CARM1: variants seen among roughly 807,000 people sequenced by gnomAD.
CARM1 encodes the protein coactivator associated arginine methyltransferase 1.
CARM1 carries 14 observed loss-of-function variants against 72.7 expected under a neutral mutation model. The ratio of observed to expected loss-of-function variants is 0.19; its 90% confidence interval spans 0.13 to 0.30. CARM1 has a LOEUF of 0.30. Among genes scored for constraint, CARM1 ranks in the 10% least tolerant of loss-of-function variants. The pLI is 1.00. For missense variants in CARM1, 432 were observed against 833.7 expected (o/e 0.52, Z 5.93); for synonymous variants, 333 against 345.5 (o/e 0.96, Z 0.40).
At position 10,916,803 on chromosome 19, in the gene CARM1, T is replaced by G. The variant is rs1257302345; in HGVS notation, c.1020+26T>G. ...GTGAGTAGGGCCTCCAGGGTACTGCTGCAGTGATCACTTGCCATTGCTGTG... is the reference window on the plus strand; with the variant it reads ...GTGAGTAGGGCCTCCAGGGTACTGCGGCAGTGATCACTTGCCATTGCTGTG... On this transcript the variant is annotated intron_variant, in intron 8 of 15. Coordinates refer to ENST00000327064, the MANE Select transcript of CARM1 (RefSeq NM_199141.2). This position sits in a 1 kb window ranked among gnomAD's most constrained non-coding sequence, Gnocchi z 4.4. The G allele has an allele frequency of 4.0e-6, 6 of 1,498,362 alleles. No individual in the cohort carries two copies. The African/African-American group carries it at 8.3e-5, about 21-fold the overall frequency. The allele number at this position is 1,498,362 out of a possible 1,614,324, so 92.8% of individuals were successfully genotyped here.
At chr19:10,905,194 C>A in intron 2 of CARM1, 118 bp downstream of exon 2, 2 of 1,229,120 alleles carry the variant, frequency 1.6e-6, no homozygotes, top group Non-Finnish European at 2.3e-6. Flanking sequence ...GGCTCCACTG[C>A]CCTCAAAACC....
chr19:10,905,288 G>A (rs998142987), intron 2 of CARM1, among the ~76,000 whole-genome samples: 1 of 152,218 alleles, frequency 6.6e-6, no homozygotes, highest in East Asian at 1.9e-4. Context: ...CGGCTCCTCC[G>A]GGTCTTTTGG....
In CARM1 at chr19:10,916,550, A is replaced by G; in HGVS notation, c.938+53A>G. 4 of 1,474,764 alleles carry G rather than the reference A, an allele frequency of 2.7e-6. No homozygotes were observed. The highest frequency in any genetic ancestry group is 3.8e-6 in the Non-Finnish European group (4 of 1,055,532). 91.4% of individuals were successfully genotyped at this position (1,474,764 alleles called of 1,614,324 possible). On this transcript the variant is annotated intron_variant, in intron 7 of 15. Coordinates refer to ENST00000327064, the MANE Select transcript of CARM1 (RefSeq NM_199141.2). This position sits in a 1 kb window ranked among gnomAD's most constrained non-coding sequence, Gnocchi z 4.4. ...GGCCCCACAGCCTGCCTTCTCAGGG[A>G]CAGCCCCAGCTCCCCAGAGAGCCTG...
chr19:10,890,957 G>A (rs1481452682), intron 1 of CARM1, among the ~76,000 whole-genome samples: 5 of 151,700 alleles, frequency 3.3e-5, no homozygotes, highest in African/African-American at 1.2e-4. Flanking sequence ...CTGGGTGACA[G>A]AGGGAGACCA....
chr19:10,911,303 C>A (rs983094790), intron 4 of CARM1, among the ~76,000 whole-genome samples: 2 of 152,172 alleles, frequency 1.3e-5, no homozygotes, highest in African/African-American at 4.8e-5. Flanking sequence ...GTCACGCCCC[C>A]CTAGCATCGC....
At chr19:10,886,301 C>T (rs1292277728) in intron 1 of CARM1, among the ~76,000 whole-genome samples, 1 of 151,806 alleles carries the variant, frequency 6.6e-6, no homozygotes, top group African/African-American at 2.4e-5. Flanking sequence ...GGTGATCCAC[C>T]CGCCTCAGCC....
In CARM1 at chr19:10,871,648, C is replaced by A; in HGVS notation, c.-55C>A. 3.3e-6 allele frequency: 1 copy of A among 302,774 alleles called. No homozygotes were observed. The highest frequency in any genetic ancestry group is 1.2e-4 in the South Asian group (1 of 8,250). 18.8% of individuals were successfully genotyped at this position (302,774 alleles called of 1,614,324 possible). A position where few individuals can be genotyped will look rare whatever the true frequency, so the allele number is the denominator to read the frequency against. On this transcript the variant is annotated 5_prime_UTR_variant, in exon 1 of 16. Transcript: ENST00000327064. The surrounding 1 kb of genome is among the most constrained non-coding windows in gnomAD (Gnocchi z 5.6). ...GCGGCGGCGGCGGCGGCAGCGGCGGCGGCCTGGGCCCGGGCGCAGCGGCGG... is the reference window on the plus strand; with the variant it reads ...GCGGCGGCGGCGGCGGCAGCGGCGGAGGCCTGGGCCCGGGCGCAGCGGCGG...
intron 6 of CARM1, among the ~76,000 whole-genome samples, chr19:10,914,776 G>A (rs1419464178): frequency 3.3e-5 from 5 of 152,106 alleles, no homozygotes; most frequent in African/African-American, 9.7e-5. Context: ...GGCTGGTCAC[G>A]AACTCCTGAC....
intron 1 of CARM1, among the ~76,000 whole-genome samples, chr19:10,900,992 T>TG (rs2074060005): frequency 6.6e-6 from 1 of 151,162 alleles, no homozygotes; most frequent in African/African-American, 2.4e-5. Context: ...CTTTTTTTTT[T>TG]TTTTTCTGAA....
At chr19:10,902,206 A>G (rs992025382) in intron 1 of CARM1, among the ~76,000 whole-genome samples, 9 of 152,024 alleles carry the variant, frequency 5.9e-5, no homozygotes, top group Admixed American at 5.9e-4. Context: ...AAATTGTGCC[A>G]CTGCATTCCA....
At chr19:10,899,911 G>C (rs1465488021) in intron 1 of CARM1, among the ~76,000 whole-genome samples, 1 of 152,006 alleles carries the variant, frequency 6.6e-6, no homozygotes, top group Non-Finnish European at 1.5e-5. Context: ...AGTAAAGACG[G>C]GGTTTTGCCA....
In CARM1 at chr19:10,915,139, C is replaced by G. The variant is rs911896269; in HGVS notation, c.847+1085C>G. Among the ~76,000 whole-genome samples the G allele has an allele frequency of 6.6e-6, 1 of 152,260 alleles. No homozygotes were observed. The highest frequency in any genetic ancestry group is 6.5e-5 in the Admixed American group (1 of 15,300). ...CGCCCTGGATCCAGGCCCTAGGGTC[C>G]TGGCTGGCTGTGCTCCTGGAGGTGG... On this transcript the variant is annotated intron_variant, in intron 6 of 15. Transcript: ENST00000327064. This position sits in a 1 kb window ranked among gnomAD's most constrained non-coding sequence, Gnocchi z 4.6.
At position 10,922,927 on chromosome 19, in the gene CARM1, C is replaced by T. The variant is rs1448436394; in HGVS notation, c.*1170C>T. 1.0e-5 allele frequency: 2 copies of T among 194,884 alleles called. No homozygotes were observed. The highest frequency in any genetic ancestry group is 4.8e-5 in the African/African-American group (2 of 41,900). 12.1% of individuals were successfully genotyped at this position (194,884 alleles called of 1,614,324 possible). A position where few individuals can be genotyped will look rare whatever the true frequency, so the allele number is the denominator to read the frequency against. On this transcript the variant is annotated 3_prime_UTR_variant, in exon 16 of 16. Coordinates refer to ENST00000327064, the MANE Select transcript of CARM1 (RefSeq NM_199141.2). ...GCTCTCCCTCCTGTTCCAGGGGAGC[C>T]ATAGGAGGGAAAGCAGGTGGCCCGG...
rs546304333 is a variant in CARM1, at chr19:10,891,475, G to T, written c.221-13476G>T. Among the ~76,000 whole-genome samples the T allele has an allele frequency of 1.2e-4, 18 of 152,264 alleles. 1 individual carries two copies. The South Asian group carries it at 3.7e-3, about 32-fold the overall frequency. On this transcript the variant is annotated intron_variant, in intron 1 of 15. Coordinates refer to ENST00000327064, the MANE Select transcript of CARM1 (RefSeq NM_199141.2). ...GTCCATCACACCCACTGAGGGCCGT[G>T]GGGTGGGTGCAGGGCTTGTTCTGGG...
intron 1 of CARM1, 96 bp downstream of exon 1, chr19:10,872,018 C>A: frequency 1.9e-6 from 2 of 1,033,938 alleles, no homozygotes; most frequent in Non-Finnish European, 1.2e-6. Context: ...AGCGCGGGGG[C>A]CTGGCGTGGG....
chr19:10,910,154 G>A (rs116339241), intron 4 of CARM1, among the ~76,000 whole-genome samples: 2,337 of 152,148 alleles, frequency 0.015, 32 homozygotes, highest in Middle Eastern at 0.024. Context: ...ATTAAAGAGA[G>A]AGAGAACAGA....
rs779234871 is a variant in CARM1, at chr19:10,904,928, C to T, written c.221-23C>T. On this transcript the variant is annotated intron_variant, in intron 1 of 15. Transcript: ENST00000327064. ...GCAGCTGACAGGGCTGCACCGCTCA[C>T]GCCAGCCTGTCTTCTCTCGTAGATG... The T allele has an allele frequency of 3.1e-6, 5 of 1,613,306 alleles. No homozygotes were observed. The South Asian group carries it at 3.3e-5, about 11-fold the overall frequency.
intron 4 of CARM1, among the ~76,000 whole-genome samples, chr19:10,911,224 T>A (rs2074148176): frequency 1.3e-5 from 2 of 152,152 alleles, no homozygotes; most frequent in South Asian, 4.1e-4. Flanking sequence ...GGAGCCTGTT[T>A]TTTTCCTCCA....
chr19:10,889,959 A>G (rs957170233), intron 1 of CARM1, among the ~76,000 whole-genome samples: 1 of 152,222 alleles, frequency 6.6e-6, no homozygotes, highest in Non-Finnish European at 1.5e-5. Context: ...AAATGGCCTG[A>G]AAAGCTAACC....
Sources: gnomAD v4.1 joint callset for allele counts (sites outside exome capture counted in the v4.1 genomes callset) on GRCh38, gnomAD v4.1.1 for gene constraint, Gnocchi (gnomAD v3.1) non-coding constraint, MANE v1.5 for transcripts, NCBI Gene and HGNC (gene_info 2026-07-23, HGNC 2026-07-21) for gene names.